ANKFN1: variants seen among roughly 807,000 people sequenced by gnomAD.
The protein encoded by ANKFN1 is ankyrin repeat and fibronectin type-III domain-containing protein 1.
Under a neutral mutation model 108.7 loss-of-function variants are expected in ANKFN1, and 74 were observed. That is an observed-to-expected ratio of 0.68 (90% CI 0.56 to 0.83). The LOEUF is 0.83. Among genes scored for constraint, ANKFN1 ranks in the 40% least tolerant of loss-of-function variants. ANKFN1 has a pLI of 0.00. For synonymous variants in ANKFN1, 547 were observed against 516.2 expected, an observed-to-expected ratio of 1.06 and a Z score of -0.81; for missense variants, 1,505 against 1,382.3, an observed-to-expected ratio of 1.09 and a Z score of -1.41.
intron 1 of ANKFN1, among the ~76,000 whole-genome samples, chr17:56,189,818 C>T (rs537556455): frequency 7.5e-4 from 114 of 152,258 alleles, no homozygotes; most frequent in South Asian, 2.3e-3. Flanking sequence ...TGTAATTCTG[C>T]TCTATCATTC....
At chr17:56,182,795 T>C (rs1911809781) in intron 1 of ANKFN1, among the ~76,000 whole-genome samples, 1 of 152,194 alleles carries the variant, frequency 6.6e-6, no homozygotes, top group Non-Finnish European at 1.5e-5. Context: ...AGTCAATGCC[T>C]GGCTTCAAAG....
chr17:56,297,573 T>C (rs2044551192), intron 3 of ANKFN1, among the ~76,000 whole-genome samples: 3 of 152,206 alleles, frequency 2.0e-5, no homozygotes, highest in African/African-American at 4.8e-5. Flanking sequence ...ACCTGGTCCA[T>C]TGTAGAAGTC....
chr17:56,403,078 A>G (rs2047811937), intron 8 of ANKFN1, among the ~76,000 whole-genome samples: 1 of 151,932 alleles, frequency 6.6e-6, no homozygotes, highest in Non-Finnish European at 1.5e-5. Flanking sequence ...TATAATTTCA[A>G]TTTTCTTAAA....
At chr17:56,420,899 G>A (rs970060567) in intron 8 of ANKFN1, among the ~76,000 whole-genome samples, 5 of 151,712 alleles carry the variant, frequency 3.3e-5, no homozygotes, top group African/African-American at 1.2e-4. Context: ...TAGTAGAGAC[G>A]GGGTTTCACC....
intron 4 of ANKFN1, among the ~76,000 whole-genome samples, chr17:56,099,611 G>A (rs902706235): frequency 1.8e-4 from 27 of 152,218 alleles, no homozygotes; most frequent in African/African-American, 5.8e-4. Flanking sequence ...TGGTATCCTG[G>A]AGAAGCCAGA....
intron 4 of ANKFN1, among the ~76,000 whole-genome samples, chr17:56,060,381 G>A (rs1336845846): frequency 6.6e-6 from 1 of 152,166 alleles, no homozygotes; most frequent in Non-Finnish European, 1.5e-5. Flanking sequence ...TGCAAACAGA[G>A]ACAACTTGAC....
At chr17:56,386,058 C>T (rs985337885) in intron 8 of ANKFN1, among the ~76,000 whole-genome samples, 17 of 152,158 alleles carry the variant, frequency 1.1e-4, no homozygotes, top group Non-Finnish European at 2.9e-5. Flanking sequence ...ATAGCAAAGA[C>T]TTGGAAGCAA....
At chr17:56,385,415 G>T (rs1399006009) in intron 8 of ANKFN1, among the ~76,000 whole-genome samples, 1 of 152,188 alleles carries the variant, frequency 6.6e-6, no homozygotes, top group African/African-American at 2.4e-5. Flanking sequence ...CATGGGCAAG[G>T]ACTTCATGTC....
intron 3 of ANKFN1, among the ~76,000 whole-genome samples, chr17:56,230,886 G>T (rs755152479): frequency 4.3e-4 from 66 of 152,188 alleles, no homozygotes; most frequent in East Asian, 1.9e-4. Context: ...TGCCCCATTG[G>T]TGGGGGTGAG....
intron 1 of ANKFN1, among the ~76,000 whole-genome samples, chr17:56,155,336 C>A (rs1909002756): frequency 6.6e-6 from 1 of 152,174 alleles, no homozygotes; most frequent in African/African-American, 2.4e-5. Context: ...AGCAAGCTAC[C>A]TTTCTTCCAT....
At chr17:56,378,451 T>C (rs927147015) in intron 8 of ANKFN1, among the ~76,000 whole-genome samples, 6 of 152,182 alleles carry the variant, frequency 3.9e-5, no homozygotes, top group Non-Finnish European at 4.4e-5. Flanking sequence ...TTCTGTTTTT[T>C]CCTCCTACAC....
intron 3 of ANKFN1, among the ~76,000 whole-genome samples, chr17:56,304,841 C>A (rs1374217697): frequency 3.9e-5 from 6 of 152,050 alleles, no homozygotes; most frequent in Non-Finnish European, 5.9e-5. Flanking sequence ...TCTATAAAAC[C>A]TCTTCAGTGA....
chr17:56,514,280 A>C lies in ANKFN1; in HGVS notation c.*3011A>C, dbSNP rs1291802782. Reference sequence around the variant, plus strand: ...TCTAAGTCCCATTGAGATCCAAAGAATCAAGTGTGAAACATAGTCCTAGGC... The same window carrying C: ...TCTAAGTCCCATTGAGATCCAAAGACTCAAGTGTGAAACATAGTCCTAGGC... On this transcript the variant is annotated 3_prime_UTR_variant, in exon 21 of 21. Transcript: ENST00000682825. Among the ~76,000 whole-genome samples, 1 of 152,202 alleles carries C rather than the reference A, an allele frequency of 6.6e-6. No individual in the cohort carries two copies. Among genetic ancestry groups the C allele is most frequent in the Non-Finnish European group, 1.5e-5 (1 of 68,030 alleles).
At chr17:56,448,451 A>G (rs2049367987) in intron 10 of ANKFN1, among the ~76,000 whole-genome samples, 1 of 152,236 alleles carries the variant, frequency 6.6e-6, no homozygotes, top group Non-Finnish European at 1.5e-5. Context: ...CTAATACTGT[A>G]TATTTAGAGA....
chr17:56,486,078 C>G (rs1263004163), intron 18 of ANKFN1, among the ~76,000 whole-genome samples: 5 of 152,166 alleles, frequency 3.3e-5, no homozygotes, highest in African/African-American at 1.2e-4. Context: ...CCTGTTTTAC[C>G]TCTTCACATT....
chr17:56,093,154 C>A (rs1004698038), intron 4 of ANKFN1, among the ~76,000 whole-genome samples: 2 of 151,274 alleles, frequency 1.3e-5, no homozygotes, highest in African/African-American at 4.8e-5. Flanking sequence ...GCCACCTTGG[C>A]GGGGAGAGAG....
intron 8 of ANKFN1, among the ~76,000 whole-genome samples, chr17:56,407,993 G>A (rs1009365561): frequency 8.3e-5 from 11 of 133,236 alleles, no homozygotes; most frequent in African/African-American, 3.1e-4. Context: ...AGAGTGCAGT[G>A]GCGTGATTTC....
At chr17:56,074,890 A>G (rs1349079266) in intron 4 of ANKFN1, among the ~76,000 whole-genome samples, 1 of 152,224 alleles carries the variant, frequency 6.6e-6, no homozygotes, top group East Asian at 1.9e-4. Context: ...AGAGCCAGCC[A>G]CAAAGGCTGT....
chr17:56,100,673 C>T (rs1378413238), intron 4 of ANKFN1, among the ~76,000 whole-genome samples: 1 of 152,136 alleles, frequency 6.6e-6, no homozygotes, highest in Non-Finnish European at 1.5e-5. Flanking sequence ...GTAACAGAGA[C>T]TTAGTAGTCT....
Sources: gnomAD v4.1 joint callset for allele counts (sites outside exome capture counted in the v4.1 genomes callset) on GRCh38, gnomAD v4.1.1 for gene constraint, MANE v1.5 for transcripts, NCBI Gene and HGNC (gene_info 2026-07-23, HGNC 2026-07-21) for gene names.